The following ATP1A3 variants were observed in gnomAD, a reference collection of about 807,000 sequenced individuals.
ATP1A3 encodes ATPase Na+/K+ transporting subunit alpha 3.
Under a neutral mutation model 108.8 loss-of-function variants are expected in ATP1A3, and 12 were observed. That is an observed-to-expected ratio of 0.11 (90% CI 0.07 to 0.18). The LOEUF is 0.18. Among genes scored for constraint, ATP1A3 ranks in the 10% least tolerant of loss-of-function variants. The pLI is 1.00. For synonymous variants in ATP1A3, 539 were observed against 564.5 expected (o/e 0.95, Z 0.64); for missense variants, 498 against 1,387.7 (o/e 0.36, Z 10.19).
At position 41,981,685 on chromosome 19, in the gene ATP1A3, C is replaced by CA. The variant is rs1445134571; in HGVS notation, c.1302+36dup. 2 of 1,614,154 alleles carry CA rather than the reference C, an allele frequency of 1.2e-6. No homozygotes were observed. Among genetic ancestry groups the CA allele is most frequent in the Non-Finnish European group, 1.7e-6 (2 of 1,180,010 alleles). ...AACAGGGACAGCTGAGGGGAGGACA[C>CA]AGGCAGGGCCGAGGTGAGGCCAGTA... On this transcript the variant is annotated intron_variant, in intron 10 of 22. Transcript: ENST00000648268. The surrounding 1 kb of genome is among the most constrained non-coding windows in gnomAD (Gnocchi z 5.0).
At chr19:41,972,721 C>T (rs782769656) in intron 16 of ATP1A3, among the ~76,000 whole-genome samples, 34 of 144,748 alleles carry the variant, frequency 2.3e-4, no homozygotes, top group African/African-American at 7.5e-4. Context: ...GCCAACATCA[C>T]GCCACTGCAC....
chr19:41,979,139 G>A (rs537561389), intron 11 of ATP1A3, among the ~76,000 whole-genome samples: 2 of 151,906 alleles, frequency 1.3e-5, no homozygotes, highest in East Asian at 3.9e-4. Flanking sequence ...AGTAGCTTGG[G>A]ATTACAGGCA....
At position 41,988,566 on chromosome 19, in the gene ATP1A3, C is replaced by T. The variant is rs375990668; in HGVS notation, c.7-4G>A. ...AGTCCTTGTCATCTTTCTTGTCCTG[C>T]GAGGTGGCGATACGATAGCTGTCAG... On this transcript the variant is annotated splice_polypyrimidine_tract_variant and splice_region_variant and intron_variant, in intron 1 of 22. Coordinates refer to ENST00000648268, the MANE Select transcript of ATP1A3 (RefSeq NM_152296.5). This position sits in a 1 kb window ranked among gnomAD's most constrained non-coding sequence, Gnocchi z 5.3. 2.8e-5 allele frequency: 46 copies of T among 1,614,106 alleles called. No individual in the cohort carries two copies. Among genetic ancestry groups the T allele is most frequent in the South Asian group, 1.8e-4 (16 of 91,078 alleles).
At chr19:41,990,680 A>G (rs1210681083) in intron 1 of ATP1A3, among the ~76,000 whole-genome samples, 4 of 146,734 alleles carry the variant, frequency 2.7e-5, no homozygotes, top group Non-Finnish European at 4.5e-5. Context: ...CTGTCCATAT[A>G]TATATATATA....
intron 16 of ATP1A3, among the ~76,000 whole-genome samples, chr19:41,971,767 AT>A (rs1311755145): frequency 6.6e-5 from 10 of 151,976 alleles, no homozygotes; most frequent in Non-Finnish European, 4.4e-5. Flanking sequence ...CAAAACCTAA[AT>A]GGGGGGCTGG....
chr19:41,967,464 C>T lies in ATP1A3; in HGVS notation c.2922-124G>A. ...CCTTCGTGCTCACAGGTGGAGGGTG[C>T]CCTGGGCGGGGCTGGGGCCTGGGGT... On this transcript the variant is annotated intron_variant, in intron 21 of 22. Transcript: ENST00000648268. This position sits in a 1 kb window ranked among gnomAD's most constrained non-coding sequence, Gnocchi z 4.2. 2 of 1,283,340 alleles carry T rather than the reference C, an allele frequency of 1.6e-6. No homozygotes were observed. Among genetic ancestry groups the T allele is most frequent in the Non-Finnish European group, 2.2e-6 (2 of 926,702 alleles). The allele number at this position is 1,283,340 out of a possible 1,614,324, so 79.5% of individuals were successfully genotyped here.
chr19:41,984,189 G>A (rs2075263833), intron 8 of ATP1A3: 1 of 152,308 alleles, frequency 6.6e-6, no homozygotes, highest in East Asian at 1.9e-4. Flanking sequence ...TTAAAGGCGT[G>A]AGCCACTGCG....
intron 1 of ATP1A3, chr19:41,993,818 C>T: frequency 3.0e-6 from 2 of 667,330 alleles, no homozygotes; most frequent in East Asian, 2.9e-5. Flanking sequence ...CAAGGTCAGG[C>T]GGAGATGCTG....
At chr19:41,984,860 G>A in intron 8 of ATP1A3, 58 bp downstream of exon 8, 1 of 1,560,868 alleles carries the variant, frequency 6.4e-7, no homozygotes, top group Non-Finnish European at 8.7e-7. Flanking sequence ...TCCTCCCTCA[G>A]ACCCAGGAGC....
intron 19 of ATP1A3, 125 bp downstream of exon 19, chr19:41,969,310 G>A: frequency 6.6e-7 from 1 of 1,525,262 alleles, no homozygotes; most frequent in Non-Finnish European, 9.0e-7. Context: ...CAGGTGCCCA[G>A]CAAAGGCCTT....
intron 16 of ATP1A3, 42 bp downstream of exon 16, chr19:41,975,587 G>A (rs369116985): frequency 5.3e-5 from 85 of 1,612,274 alleles, no homozygotes; most frequent in South Asian, 1.8e-4. Context: ...TCAGGCCTCC[G>A]GTAGTGACCC....
chr19:41,977,715 A>G (rs2075186642), intron 14 of ATP1A3, among the ~76,000 whole-genome samples: 1 of 152,058 alleles, frequency 6.6e-6, no homozygotes, highest in Non-Finnish European at 1.5e-5. Context: ...ATAAATAAAT[A>G]AATAAAATAA....
intron 4 of ATP1A3, among the ~76,000 whole-genome samples, chr19:41,987,040 G>A (rs1465405432): frequency 6.6e-6 from 1 of 152,174 alleles, no homozygotes; most frequent in East Asian, 1.9e-4. Context: ...CACCATGCCC[G>A]ACTTGTCCAT....
chr19:41,970,128 G>C, intron 18 of ATP1A3, 57 bp downstream of exon 18: 1 of 1,613,888 alleles, frequency 6.2e-7, no homozygotes, highest in East Asian at 2.2e-5. Context: ...CGGTGGGCCA[G>C]GCACTGCTCT....
intron 5 of ATP1A3, 50 bp downstream of exon 5, chr19:41,986,066 C>A: frequency 3.1e-6 from 5 of 1,614,144 alleles, no homozygotes; most frequent in African/African-American, 1.3e-5. Context: ...GCCCGGCCCC[C>A]AGCCCATACA....
At chr19:41,972,804 G>GGGAAGAAAGGAA (rs2075123901) in intron 16 of ATP1A3, among the ~76,000 whole-genome samples, 1 of 74,872 alleles carries the variant, frequency 1.3e-5, no homozygotes, top group Non-Finnish European at 2.6e-5. Context: ...AGGAAGGAAG[G>GGGAAGAAAGGAA]GGAAGGAAGG....
chr19:41,975,679 A>G lies in ATP1A3; in HGVS notation c.2213T>C (p.Met738Thr). The G allele has an allele frequency of 6.2e-7, 1 of 1,614,104 alleles. No individual in the cohort carries two copies. Among genetic ancestry groups the G allele is most frequent in the Non-Finnish European group, 8.5e-7 (1 of 1,179,974 alleles). ...GGCAAAGTTGTCGTCCAGCAGGATC[A>G]TGTCAGCTGCCTGCTTGGAGACGTC... ...GSDVSKQAAD[M>T]ILLDDNFASI... is the part of the protein sequence containing the mutation. The change falls in exon 16 of 23, where the codon ATG (methionine) becomes ACG (threonine). Residue 738 changes from methionine (M) to threonine (T), a missense_variant. Around this residue, in one of 9 missense-constraint regions of ATP1A3, gnomAD observed 121 missense variants for 425.1 expected, o/e 0.28. Transcript: ENST00000648268.
In ATP1A3 at chr19:41,985,502, G is replaced by T; in HGVS notation, c.607-79C>A. On this transcript the variant is annotated intron_variant, in intron 6 of 22. Transcript: ENST00000648268. This position sits in a 1 kb window ranked among gnomAD's most constrained non-coding sequence, Gnocchi z 8.2. ...GTATTTGTGTACAGGGCTTGGGGCT[G>T]AAGCCTGTGTGCCTGGAGATCACAG... is the stretch of plus-strand genomic sequence containing the variant. 1 of 1,381,646 alleles carries T rather than the reference G, an allele frequency of 7.2e-7. No individual in the cohort carries two copies. The highest frequency in any genetic ancestry group is 1.0e-6 in the Non-Finnish European group (1 of 970,834). The allele number at this position is 1,381,646 out of a possible 1,614,324, so 85.6% of individuals were successfully genotyped here.
intron 11 of ATP1A3, among the ~76,000 whole-genome samples, chr19:41,979,956 C>T (rs1358371022): frequency 6.6e-6 from 1 of 152,222 alleles, no homozygotes; most frequent in Non-Finnish European, 1.5e-5. Context: ...ACAGCCAAGT[C>T]CTCTCCATGC....
Sources: gnomAD v4.1 joint callset for allele counts (sites outside exome capture counted in the v4.1 genomes callset) on GRCh38, gnomAD v4.1.1 for gene constraint, gnomAD v4.1.1 regional missense constraint, Gnocchi (gnomAD v3.1) non-coding constraint, MANE v1.5 for transcripts, NCBI Gene and HGNC (gene_info 2026-07-23, HGNC 2026-07-21) for gene names.